Variants in SPATA21 observed in about 807,000 individuals in gnomAD.
The protein encoded by SPATA21 is spermatogenesis associated 21, also known as spermatogenesis-associated protein 21.
A neutral mutation model predicts 54.8 loss-of-function variants in SPATA21; 47 were observed. That is an observed-to-expected ratio of 0.86 (90% CI 0.68 to 1.09). SPATA21 has a LOEUF of 1.09. SPATA21 is among the 50% of genes least tolerant of loss of function. The pLI, the probability that SPATA21 is intolerant of heterozygous loss-of-function variation, is 0.00. For synonymous variants in SPATA21, 245 were observed against 235.3 expected, an observed-to-expected ratio of 1.04 and a Z score of -0.38; for missense variants, 599 against 596.4, an observed-to-expected ratio of 1.00 and a Z score of -0.05.
Position 16,421,879 on chromosome 1 carries a change from G to C in SPATA21, c.95+32C>G, listed in dbSNP as rs759685527. The C allele has an allele frequency of 3.7e-6, 6 of 1,614,146 alleles. No homozygotes were observed. In the South Asian group the frequency reaches 4.4e-5, roughly 12 times the overall value. On this transcript the variant is annotated intron_variant, in intron 4 of 12. Coordinates refer to ENST00000335496, the MANE Select transcript of SPATA21 (RefSeq NM_198546.1). This position sits in a 1 kb window ranked among gnomAD's most constrained non-coding sequence, Gnocchi z 5.2. The stretch of plus-strand genomic sequence containing the variant: ...ACTCAGCAGAAGAGCATCCTTGTTG[G>C]GGGCAGGGGATGGCACTGGATGATG...
chr1:16,408,188 G>A (rs569366138), intron 7 of SPATA21, among the ~76,000 whole-genome samples: 1 of 152,310 alleles, frequency 6.6e-6, no homozygotes, highest in Non-Finnish European at 1.5e-5. Flanking sequence ...TGCAGGCTTT[G>A]GAGAGGAGTA....
At chr1:16,432,127 T>G (rs533081041) in intron 2 of SPATA21, among the ~76,000 whole-genome samples, 102 of 149,444 alleles carry the variant, frequency 6.8e-4, no homozygotes, top group East Asian at 2.5e-3. Context: ...TTTTTTTTTT[T>G]TTTGTTTGTT....
chr1:16,403,880 G>C (rs1304629718), intron 9 of SPATA21, 36 bp from the exon 10 acceptor site: 1 of 1,611,052 alleles, frequency 6.2e-7, no homozygotes, highest in Admixed American at 1.7e-5. Flanking sequence ...GTTACCACTG[G>C]GCAGTCCTGA....
chr1:16,432,357 A>G (rs1159522439), intron 2 of SPATA21, among the ~76,000 whole-genome samples: 2 of 151,854 alleles, frequency 1.3e-5, no homozygotes, highest in Admixed American at 6.6e-5. Flanking sequence ...CCTGACCTCA[A>G]GTGATCCGCC....
Position 16,409,673 on chromosome 1 carries a change from A to G in SPATA21, c.515T>C (p.Leu172Pro), listed in dbSNP as rs780417906. The change falls in exon 6 of 13, where the codon CTG becomes CCG. Residue 172 changes from leucine (L) to proline (P), a missense_variant. Leu to Pro is a moderately conservative substitution (Grantham distance 98). Transcript: ENST00000335496. This position sits in a 1 kb window ranked among gnomAD's most constrained non-coding sequence, Gnocchi z 4.1. ...MPCPVLLGPA[L>P]DLGWRRMELL... is the part of the protein sequence containing the mutation. ...TTCCATCCTTCTCCAGCCCAGGTCC[A>G]GGGCAGGGCCCAGCAGGACAGGGCA... is the stretch of plus-strand genomic sequence containing the variant. 1.2e-6 allele frequency: 2 copies of G among 1,613,326 alleles called. No homozygotes were observed. Among genetic ancestry groups the G allele is most frequent in the Non-Finnish European group, 1.7e-6 (2 of 1,179,986 alleles).
Position 16,403,483 on chromosome 1 carries a change from C to CTTT in SPATA21, c.1001+241_1001+243dup, listed in dbSNP as rs1229942098. Among the ~76,000 whole-genome samples the CTTT allele has an allele frequency of 2.2e-4, 26 of 117,114 alleles. 3 individuals are homozygous for CTTT. The highest frequency in any genetic ancestry group is 2.5e-4 in the Non-Finnish European group (13 of 53,000). The allele number at this position is 117,114 out of a possible 152,430, so 76.8% of individuals were successfully genotyped here. ...AAGCTAGTTTTATTCTAGTTTTTTT[C>CTTT]TTTTTTTTCTTTTTTTTTTTTTTGA... On this transcript the variant is annotated intron_variant, in intron 10 of 12. Coordinates refer to ENST00000335496, the MANE Select transcript of SPATA21 (RefSeq NM_198546.1).
intron 10 of SPATA21, 51 bp from the exon 11 acceptor site, chr1:16,400,943 T>G (rs2085429305): frequency 6.3e-7 from 1 of 1,578,382 alleles, no homozygotes; most frequent in African/African-American, 1.4e-5. Context: ...TAATTCACCC[T>G]TCTCCTCCTC....
intron 7 of SPATA21, among the ~76,000 whole-genome samples, chr1:16,408,030 G>T (rs879761249): frequency 3.1e-5 from 4 of 128,110 alleles, no homozygotes; most frequent in Admixed American, 1.5e-4. Context: ...GGCTCCCAAA[G>T]TGCTGGGATT....
chr1:16,409,890 G>A lies in SPATA21; in HGVS notation c.298C>T (p.Arg100Trp), dbSNP rs1464451340. 9 of 1,613,420 alleles carry A rather than the reference G, an allele frequency of 5.6e-6. No individual in the cohort carries two copies. The highest frequency in any genetic ancestry group is 7.6e-6 in the Non-Finnish European group (9 of 1,179,670). The stretch of plus-strand genomic sequence containing the variant: ...TGGGACCGGGCCTTCGAGGCTCTCC[G>A]ATGGGAGGCCTCCATTTTCTCCACC... The part of the protein sequence containing the change: ...LEVEKMEASH[R>W]RASKARSQTA... Residue 100 changes from arginine (R) to tryptophan (W), a missense_variant, in exon 6 of 13, where the codon CGG (arginine) becomes TGG (tryptophan). By Grantham distance (101) the Arg-to-Trp change is moderately radical. Transcript: ENST00000335496. The surrounding 1 kb of genome is among the most constrained non-coding windows in gnomAD (Gnocchi z 4.1).
rs1269013134 is a variant in SPATA21, at chr1:16,399,407, G to T, written c.1289C>A (p.Thr430Lys). ...GATGTCAGGATCCAGGCCAGGGGGT[G>T]TGCACTGGTCTAGTGCATAGTGGTT... ...PSNHYALDQC[T>K]PPGLDPDIRS... The change falls in exon 12 of 13, where the codon ACA becomes AAA. Residue 430 changes from threonine to lysine, a missense_variant. Transcript: ENST00000335496. 2 of 1,613,860 alleles carry T rather than the reference G, an allele frequency of 1.2e-6. No homozygotes were observed. The highest frequency in any genetic ancestry group is 2.2e-5 in the South Asian group (2 of 91,086).
chr1:16,413,453 G>A lies in SPATA21; in HGVS notation c.145-3410C>T, dbSNP rs377316953. Reference sequence around the variant, plus strand: ...CTTGAGTTGCTTTCATCTGTTATCCGTTGTGAATAATACTGCTATGAACAT... The same window carrying A: ...CTTGAGTTGCTTTCATCTGTTATCCATTGTGAATAATACTGCTATGAACAT... On this transcript the variant is annotated intron_variant, in intron 5 of 12. Coordinates refer to ENST00000335496, the MANE Select transcript of SPATA21 (RefSeq NM_198546.1). 6.6e-5 allele frequency among the ~76,000 whole-genome samples: 10 copies of A among 152,270 alleles called. No homozygotes were observed. The South Asian group carries it at 1.0e-3, about 16-fold the overall frequency.
chr1:16,399,853 C>T (rs2085388477), intron 11 of SPATA21, among the ~76,000 whole-genome samples: 1 of 152,112 alleles, frequency 6.6e-6, no homozygotes, highest in Admixed American at 6.6e-5. Flanking sequence ...CTGCAAAGCT[C>T]CTATCCTGTT....
At chr1:16,403,343 G>T (rs932122577) in intron 10 of SPATA21, among the ~76,000 whole-genome samples, 1 of 152,170 alleles carries the variant, frequency 6.6e-6, no homozygotes, top group African/African-American at 2.4e-5. Context: ...AAGCCAGTGC[G>T]CACAGACATG....
chr1:16,417,468 C>T (rs2086044363), intron 5 of SPATA21, among the ~76,000 whole-genome samples: 1 of 144,730 alleles, frequency 6.9e-6, no homozygotes, highest in South Asian at 2.2e-4. Context: ...GACAAAGTCT[C>T]GCTCTTGTTC....
chr1:16,427,102 T>G (rs2086344756), intron 3 of SPATA21, among the ~76,000 whole-genome samples: 1 of 152,174 alleles, frequency 6.6e-6, no homozygotes, highest in Non-Finnish European at 1.5e-5. Context: ...TGCATAAAAC[T>G]GCTTGAATCA....
In SPATA21 at chr1:16,409,083, C is replaced by T. The variant is rs774708708; in HGVS notation, c.673+35G>A. ...AACCCCCAAGGACCAAGGGTCCTGC[C>T]TGTGCTGGGACCTCCCTGACCTCCC... On this transcript the variant is annotated intron_variant, in intron 7 of 12. Transcript: ENST00000335496. The surrounding 1 kb of genome is among the most constrained non-coding windows in gnomAD (Gnocchi z 4.1). 8.1e-6 allele frequency: 13 copies of T among 1,610,806 alleles called. No homozygotes were observed. Among genetic ancestry groups the T allele is most frequent in the Middle Eastern group, 1.6e-4 (1 of 6,078 alleles).
chr1:16,401,130 A>G (rs1280971727), intron 10 of SPATA21, among the ~76,000 whole-genome samples: 1 of 152,222 alleles, frequency 6.6e-6, no homozygotes, highest in African/African-American at 2.4e-5. Flanking sequence ...CTGTCAATGC[A>G]AGTGACTTGA....
intron 1 of SPATA21, among the ~76,000 whole-genome samples, chr1:16,434,298 T>G (rs986590743): frequency 1.3e-5 from 2 of 151,878 alleles, no homozygotes; most frequent in Non-Finnish European, 2.9e-5. Context: ...TCTTTTTTTT[T>G]TTTTTGAGAC....
At chr1:16,402,462 C>T (rs571366200) in intron 10 of SPATA21, among the ~76,000 whole-genome samples, 20 of 151,620 alleles carry the variant, frequency 1.3e-4, no homozygotes, top group African/African-American at 2.2e-4. Context: ...GAGGTTTCAC[C>T]ATGTTAGCCA....
Sources: allele counts gnomAD v4.1 joint callset (sites outside exome capture counted in the v4.1 genomes callset), GRCh38; gene constraint gnomAD v4.1.1; non-coding constraint Gnocchi (gnomAD v3.1); transcripts MANE v1.5; gene names NCBI Gene and HGNC (gene_info 2026-07-23, HGNC 2026-07-21).